TENM2: variants seen among roughly 807,000 people sequenced by gnomAD.
TENM2 encodes the protein teneurin-2.
TENM2 carries 52 observed loss-of-function variants against 245.2 expected under a neutral mutation model. The ratio of observed to expected loss-of-function variants is 0.21; its 90% CI spans 0.17 to 0.27. The LOEUF is 0.27. Among genes scored for constraint, TENM2 ranks in the 10% least tolerant of loss-of-function variants. The probability of loss-of-function intolerance (pLI) is 1.00; values close to 1 mark genes in which losing one functional copy is unlikely to be tolerated. For synonymous variants in TENM2, 1,363 were observed against 1,438.9 expected (o/e 0.95, Z 1.19); for missense variants, 3,046 against 3,666.8 (o/e 0.83, Z 4.37).
At chr5:167,960,427 A>G (rs1445597672) in intron 4 of TENM2, among the ~76,000 whole-genome samples, 1 of 152,196 alleles carries the variant, frequency 6.6e-6, no homozygotes, top group Admixed American at 6.5e-5. Flanking sequence ...CAGTCTGGCT[A>G]CAGCAGGTTT....
At chr5:167,218,420 G>T in the TENM2 span, among the ~76,000 whole-genome samples, 1 of 151,962 alleles carries the variant, frequency 6.6e-6, no homozygotes, top group African/African-American at 2.4e-5. Flanking sequence ...CTCAGAATTA[G>T]GTAGGCTCAA....
chr5:168,163,187 C>T (rs534305303), intron 13 of TENM2, among the ~76,000 whole-genome samples: 16 of 152,288 alleles, frequency 1.1e-4, no homozygotes, highest in South Asian at 6.2e-4. Context: ...ATGAGGAAAC[C>T]GAGGCCTGAA....
At chr5:167,123,895 A>G in the TENM2 span, among the ~76,000 whole-genome samples, 69 of 152,326 alleles carry the variant, frequency 4.5e-4, no homozygotes, top group African/African-American at 6.7e-4. Context: ...TTGGCAATAC[A>G]TTTTCAATTT....
At chr5:168,194,269 G>T (rs12659776) in intron 14 of TENM2, among the ~76,000 whole-genome samples, 70,300 of 151,956 alleles carry the variant, frequency 0.46, 17,448 homozygotes, top group Admixed American at 0.58. Flanking sequence ...TCTCTGTGAA[G>T]TCAAGAGAAT....
chr5:167,397,652 C>A (rs533493546), intron 2 of TENM2, among the ~76,000 whole-genome samples: 30 of 152,128 alleles, frequency 2.0e-4, no homozygotes, highest in Admixed American at 9.8e-4. Context: ...TATATCATAC[C>A]TTGTAAAGAA....
At chr5:168,038,143 C>T (rs146810136) in intron 5 of TENM2, among the ~76,000 whole-genome samples, 2 of 152,322 alleles carry the variant, frequency 1.3e-5, no homozygotes, top group Non-Finnish European at 2.9e-5. Context: ...TACTTCAGCA[C>T]TCTGAGCCTC....
chr5:168,177,833 T>A (rs1354995753), intron 13 of TENM2, among the ~76,000 whole-genome samples: 3 of 152,166 alleles, frequency 2.0e-5, no homozygotes, highest in African/African-American at 7.2e-5. Flanking sequence ...CAAGACCTCA[T>A]CTCTCAAAAT....
the TENM2 span, among the ~76,000 whole-genome samples, chr5:167,226,848 GAA>G: frequency 6.6e-6 from 1 of 151,868 alleles, no homozygotes; most frequent in Admixed American, 6.6e-5. Context: ...TTTGTTTTAT[GAA>G]TCTGGGTGCT....
chr5:167,531,141 G>T (rs947798135), intron 2 of TENM2, among the ~76,000 whole-genome samples: 2 of 152,130 alleles, frequency 1.3e-5, no homozygotes, highest in Non-Finnish European at 2.9e-5. Flanking sequence ...CTGTATTTTT[G>T]AGGGGTTTCT....
chr5:167,354,647 T>G (rs1421901384), intron 1 of TENM2, among the ~76,000 whole-genome samples: 1 of 152,146 alleles, frequency 6.6e-6, no homozygotes, highest in Non-Finnish European at 1.5e-5. Context: ...GCCTTTGAAG[T>G]CAAAAAAGAG....
intron 13 of TENM2, among the ~76,000 whole-genome samples, chr5:168,179,126 C>A: frequency 8.6e-6 from 1 of 116,074 alleles, no homozygotes; most frequent in African/African-American, 3.5e-5. Flanking sequence ...CAGAGTGAGA[C>A]TCTGCCTGAA....
chr5:168,253,005 C>T (rs1044386887), intron 27 of TENM2, among the ~76,000 whole-genome samples: 26 of 152,014 alleles, frequency 1.7e-4, no homozygotes, highest in Admixed American at 4.6e-4. Flanking sequence ...CTTGCTCTGT[C>T]GCCCAGGCTG....
chr5:167,759,275 C>A (rs1469354716), intron 2 of TENM2, among the ~76,000 whole-genome samples: 1 of 151,740 alleles, frequency 6.6e-6, no homozygotes, highest in Non-Finnish European at 1.5e-5. Flanking sequence ...GAGATTAAAT[C>A]ATATCAGTTC....
the TENM2 span, among the ~76,000 whole-genome samples, chr5:167,219,366 G>A: frequency 3.1e-3 from 476 of 152,050 alleles, 14 homozygotes; most frequent in Non-Finnish European, 4.7e-4. Context: ...CAAACAAAAC[G>A]TGGATACCCC....
chr5:167,958,285 A>G (rs1233529401), intron 4 of TENM2, among the ~76,000 whole-genome samples: 1 of 152,180 alleles, frequency 6.6e-6, no homozygotes, highest in Non-Finnish European at 1.5e-5. Context: ...ATCAGAGACT[A>G]GGATTGCAAC....
chr5:167,304,274 G>A (rs886451468), intron 1 of TENM2, among the ~76,000 whole-genome samples: 5 of 152,174 alleles, frequency 3.3e-5, no homozygotes, highest in African/African-American at 7.2e-5. Flanking sequence ...CACCCACAAC[G>A]GCAGTGGCTA....
chr5:167,070,770 T>G, the TENM2 span, among the ~76,000 whole-genome samples: 1 of 152,146 alleles, frequency 6.6e-6, no homozygotes, highest in African/African-American at 2.4e-5. Context: ...ATTTAATCCT[T>G]ACACTGTACC....
intron 2 of TENM2, among the ~76,000 whole-genome samples, chr5:167,835,106 G>A (rs972212967): frequency 6.6e-6 from 1 of 152,144 alleles, no homozygotes; most frequent in East Asian, 1.9e-4. Flanking sequence ...TTAAGGTGAG[G>A]TTATAAAAAT....
intron 2 of TENM2, among the ~76,000 whole-genome samples, chr5:167,412,907 T>C (rs1262360897): frequency 2.7e-5 from 4 of 150,536 alleles, no homozygotes; most frequent in South Asian, 4.2e-4. Context: ...CTTCAATTTA[T>C]GACAAAAATA....
Sources: gnomAD v4.1 joint callset for allele counts (sites outside exome capture counted in the v4.1 genomes callset) on GRCh38, gnomAD v4.1.1 for gene constraint, MANE v1.5 for transcripts, NCBI Gene and HGNC (gene_info 2026-07-23, HGNC 2026-07-21) for gene names.